Variants in CLSTN3 observed in about 807,000 individuals in gnomAD.
CLSTN3 encodes calsyntenin 3.
Under a neutral mutation model 95.9 loss-of-function variants are expected in CLSTN3, and 36 were observed. The ratio of observed to expected loss-of-function variants is 0.38; its 90% CI spans 0.29 to 0.50. The LOEUF (loss-of-function observed/expected upper bound fraction) is 0.50, where lower values mean the gene tolerates loss of function less well. Ranked by LOEUF, CLSTN3 falls within the 20% of genes least tolerant of loss-of-function variation. CLSTN3 has a pLI of 0.95. For synonymous variants in CLSTN3, 481 were observed against 504.0 expected (o/e 0.95, Z 0.61); for missense variants, 1,084 against 1,268.8 (o/e 0.85, Z 2.21).
At position 7,151,051 on chromosome 12, in the gene CLSTN3, C is replaced by T; in HGVS notation, c.2515C>T (p.His839Tyr). The T allele has an allele frequency of 6.2e-7, 1 of 1,601,394 alleles. No individual in the cohort carries two copies. The highest frequency in any genetic ancestry group is 1.3e-5 in the African/African-American group (1 of 74,608). ...GGCTGGACACAGCCTAGCCAGCTCCCACAGAAACTCCAGTACGTAAGCCTG... is the reference window on the plus strand; with the variant it reads ...GGCTGGACACAGCCTAGCCAGCTCCTACAGAAACTCCAGTACGTAAGCCTG... ...EMAGHSLASS[H>Y]RNSMIPSAAT... is the part of the protein sequence containing the mutation. The change falls in exon 16 of 18, where the codon CAC (histidine) becomes TAC (tyrosine). Residue 839 changes from histidine (H) to tyrosine (Y), a missense_variant. Physicochemically the swap from His to Tyr is moderately conservative, Grantham distance 83. Transcript: ENST00000266546.
Position 7,133,249 on chromosome 12 carries a change from G to T in CLSTN3, c.187+103G>T. 6.8e-7 allele frequency: 1 copy of T among 1,463,716 alleles called. No individual in the cohort carries two copies. Among genetic ancestry groups the T allele is most frequent in the South Asian group, 1.3e-5 (1 of 78,528 alleles). The allele number at this position is 1,463,716 out of a possible 1,614,324, so 90.7% of individuals were successfully genotyped here. ...GGAAGGTCCTGGGAGTGATGAGAAA[G>T]TAAGGGAAGATAAAAGTGGGCTCAA... On this transcript the variant is annotated intron_variant, in intron 2 of 17. Transcript: ENST00000266546. This position sits in a 1 kb window ranked among gnomAD's most constrained non-coding sequence, Gnocchi z 4.7.
rs115534516 is a variant in CLSTN3 at position 7,157,373 on chromosome 12, T to C, written c.2528-116T>C. On this transcript the variant is annotated intron_variant, in intron 16 of 17. Coordinates refer to ENST00000266546, the MANE Select transcript of CLSTN3 (RefSeq NM_014718.4). This position sits in a 1 kb window ranked among gnomAD's most constrained non-coding sequence, Gnocchi z 5.9. ...TGTTCCTCTCTTCTCGGCCACCGTG[T>C]GTTCTGCCCTGGGAGTCCTTCAGCC... 3,655 of 833,332 alleles carry C rather than the reference T, an allele frequency of 4.4e-3. 69 individuals are homozygous for C. The African/African-American group carries it at 0.049, about 11-fold the overall frequency. The allele number at this position is 833,332 out of a possible 1,614,324, so 51.6% of individuals were successfully genotyped here.
Position 7,150,595 on chromosome 12 carries a change from G to T in CLSTN3, c.2297G>T (p.Arg766Leu). Residue 766 changes from arginine (R) to leucine (L), a missense_variant, in exon 15 of 18, where the codon CGG (arginine) becomes CTG (leucine). Coordinates refer to ENST00000266546, the MANE Select transcript of CLSTN3 (RefSeq NM_014718.4). The surrounding 1 kb of genome is among the most constrained non-coding windows in gnomAD (Gnocchi z 4.0). ...YEEILRQARYRLRHGAALYTR... is the reference protein window; with the variant it reads ...YEEILRQARYLLRHGAALYTR... ...GAGATCCTGAGGCAGGCTCGTTATC[G>T]GCTGCGACACGGAGCTGCCCTCTAC... 6.2e-7 allele frequency: 1 copy of T among 1,614,002 alleles called. No individual in the cohort carries two copies. Among genetic ancestry groups the T allele is most frequent in the Admixed American group, 1.7e-5 (1 of 60,026 alleles).
At chr12:7,151,379 A>G (rs1939721479) in intron 16 of CLSTN3, among the ~76,000 whole-genome samples, 1 of 152,150 alleles carries the variant, frequency 6.6e-6, no homozygotes, top group African/African-American at 2.4e-5. Flanking sequence ...AGCAATATCA[A>G]ATTAGCCCTG....
Position 7,138,016 on chromosome 12 carries a change from G to A in CLSTN3, c.1272G>A (p.Trp424Ter). ...GCTGTAGGATTGCCTTCCTCTACTG[G>A]CCCCTGCTTGAGAGTGCCCGCCCAG... ...VHGCRIAFLY[W>*]PLLESARPVK... Residue 424 changes from tryptophan (W) to a stop codon, truncating the protein, a stop_gained, in exon 8 of 18, where the codon TGG becomes TGA. Transcript: ENST00000266546. LOFTEE classifies it high-confidence loss of function. 1.9e-6 allele frequency: 3 copies of A among 1,613,702 alleles called. No homozygotes were observed. The highest frequency in any genetic ancestry group is 2.5e-6 in the Non-Finnish European group (3 of 1,179,920).
In CLSTN3 at chr12:7,137,625, G is replaced by T. The variant is rs143161087; in HGVS notation, c.1211-330G>T. Among the ~76,000 whole-genome samples the T allele has an allele frequency of 5.7e-3, 875 of 152,176 alleles. 7 individuals are homozygous for T. Among genetic ancestry groups the T allele is most frequent in the African/African-American group, 0.019 (809 of 41,492 alleles). The stretch of plus-strand genomic sequence containing the variant: ...GACCTTGACAACTCTTTTGAAAAGG[G>T]TTGTCACCCATGATGTATGTATTAA... On this transcript the variant is annotated intron_variant, in intron 7 of 17. Coordinates refer to ENST00000266546, the MANE Select transcript of CLSTN3 (RefSeq NM_014718.4). This position sits in a 1 kb window ranked among gnomAD's most constrained non-coding sequence, Gnocchi z 4.4.
intron 12 of CLSTN3, among the ~76,000 whole-genome samples, chr12:7,146,088 T>G (rs1038569777): frequency 4.6e-5 from 7 of 152,178 alleles, no homozygotes; most frequent in African/African-American, 1.7e-4. Flanking sequence ...TAAGTTGAGT[T>G]TTCATCATCA....
intron 12 of CLSTN3, among the ~76,000 whole-genome samples, chr12:7,147,780 G>T (rs1434338699): frequency 6.6e-6 from 1 of 152,060 alleles, no homozygotes; most frequent in African/African-American, 2.4e-5. Context: ...CTCCCAAAGT[G>T]CCAGGATTTA....
chr12:7,137,755 AAT>A lies in CLSTN3; in HGVS notation c.1211-199_1211-198del, dbSNP rs1939453250. Among the ~76,000 whole-genome samples, 1 of 51,118 alleles carries A rather than the reference AAT, an allele frequency of 2.0e-5. No individual in the cohort carries two copies. Among genetic ancestry groups the A allele is most frequent in the Non-Finnish European group, 3.7e-5 (1 of 27,166 alleles). 33.5% of individuals were successfully genotyped at this position (51,118 alleles called of 152,430 possible). A position where few individuals can be genotyped will look rare whatever the true frequency, so the allele number is the denominator to read the frequency against. On this transcript the variant is annotated intron_variant, in intron 7 of 17. Transcript: ENST00000266546. This position sits in a 1 kb window ranked among gnomAD's most constrained non-coding sequence, Gnocchi z 4.4. ...AAGCCCAAGTTATCACTTGGACTGG[AAT>A]GTGTGTGTGTGTGTGTGTGTGTGTG...
At chr12:7,130,211 C>G (rs1939255459), upstream of CLSTN3, 1 of 258,916 alleles carries the variant, frequency 3.9e-6, no homozygotes, top group South Asian at 5.5e-5. Context: ...TTCCTCGGCT[C>G]CCCCAAAATT....
chr12:7,136,615 T>C (rs927205791), intron 6 of CLSTN3, among the ~76,000 whole-genome samples: 1 of 152,158 alleles, frequency 6.6e-6, no homozygotes, highest in Non-Finnish European at 1.5e-5. Flanking sequence ...GGTGGAACAA[T>C]GGTAGGGCGA....
In CLSTN3 at chr12:7,149,840, C is replaced by G; in HGVS notation, c.2245+147C>G. On this transcript the variant is annotated intron_variant, in intron 14 of 17. Transcript: ENST00000266546. The surrounding 1 kb of genome is among the most constrained non-coding windows in gnomAD (Gnocchi z 4.5). ...TTTCCTAGCCTGGAAGATCCTCTGG[C>G]TTTGATTGTCCCTAGGGAAGGTGTG... 1 of 725,146 alleles carries G rather than the reference C, an allele frequency of 1.4e-6. No individual in the cohort carries two copies. The allele number at this position is 725,146 out of a possible 1,614,324, so 44.9% of individuals were successfully genotyped here. A position where few individuals can be genotyped will look rare whatever the true frequency, so the allele number is the denominator to read the frequency against.
rs749848331 is a variant in CLSTN3, at chr12:7,135,911, G to A, written c.700G>A (p.Val234Met). 1.1e-5 allele frequency: 17 copies of A among 1,613,800 alleles called. No homozygotes were observed. Among genetic ancestry groups the A allele is most frequent in the African/African-American group, 1.3e-5 (1 of 74,928 alleles). ...GAAGCGGGCAGCAGATGATGCTGAGGTGGAGATTCAGGTGAAGCCCACCTG... is the reference window on the plus strand; with the variant it reads ...GAAGCGGGCAGCAGATGATGCTGAGATGGAGATTCAGGTGAAGCCCACCTG... ...GKKRAADDAE[V>M]EIQVKPTCKP... The change falls in exon 5 of 18, where the codon GTG becomes ATG. Residue 234 changes from valine (V) to methionine (M), a missense_variant. Transcript: ENST00000266546.
At chr12:7,131,515 A>C (rs1267513284) in intron 1 of CLSTN3, among the ~76,000 whole-genome samples, 1 of 152,000 alleles carries the variant, frequency 6.6e-6, no homozygotes, top group Non-Finnish European at 1.5e-5. Flanking sequence ...GAGGCAGAAA[A>C]AAGAGGGAGG....
Position 7,157,088 on chromosome 12 carries a change from C to A in CLSTN3, c.2528-401C>A, listed in dbSNP as rs759532215. 6.6e-6 allele frequency among the ~76,000 whole-genome samples: 1 copy of A among 152,338 alleles called. No homozygotes were observed. The highest frequency in any genetic ancestry group is 1.9e-4 in the East Asian group (1 of 5,180). On this transcript the variant is annotated intron_variant, in intron 16 of 17. Transcript: ENST00000266546. The surrounding 1 kb of genome is among the most constrained non-coding windows in gnomAD (Gnocchi z 5.9). The stretch of plus-strand genomic sequence containing the variant: ...CCTCCTCTCCCTCACTGGGCACTGG[C>A]ACCTCTTTCCTAGGCTGAGTGGTCT...
At chr12:7,134,257 T>C (rs1484186353) in intron 3 of CLSTN3, among the ~76,000 whole-genome samples, 1 of 152,124 alleles carries the variant, frequency 6.6e-6, no homozygotes, top group Non-Finnish European at 1.5e-5. Flanking sequence ...CTATTTGCAG[T>C]GTATACCACA....
In CLSTN3 at chr12:7,158,204, C is replaced by T. The variant is rs1019971720; in HGVS notation, c.*123C>T. On this transcript the variant is annotated 3_prime_UTR_variant, in exon 18 of 18. Coordinates refer to ENST00000266546, the MANE Select transcript of CLSTN3 (RefSeq NM_014718.4). ...AGGGAGAGAGGCTTCAGAACCAGTC[C>T]TCCTTTCATTTCAAAACCCCAGCGG... 2 of 1,250,388 alleles carry T rather than the reference C, an allele frequency of 1.6e-6. No homozygotes were observed. The highest frequency in any genetic ancestry group is 3.0e-5 in the African/African-American group (2 of 65,620). 77.5% of individuals were successfully genotyped at this position (1,250,388 alleles called of 1,614,324 possible).
Position 7,149,316 on chromosome 12 carries a change from C to A in CLSTN3, c.2074+118C>A. The A allele has an allele frequency of 1.0e-6, 1 of 1,002,864 alleles. No individual in the cohort carries two copies. The highest frequency in any genetic ancestry group is 1.5e-6 in the Non-Finnish European group (1 of 668,990). The allele number at this position is 1,002,864 out of a possible 1,614,324, so 62.1% of individuals were successfully genotyped here. On this transcript the variant is annotated intron_variant, in intron 13 of 17. Transcript: ENST00000266546. This position sits in a 1 kb window ranked among gnomAD's most constrained non-coding sequence, Gnocchi z 4.5. ...GCGACTCCATCCTGTGTTTGTTTGA[C>A]TGAACAACTTACCTTTAAGAAGGAG... is the stretch of plus-strand genomic sequence containing the variant.
chr12:7,135,264 T>A, intron 3 of CLSTN3, 63 bp from the exon 4 acceptor site: 1 of 1,502,550 alleles, frequency 6.7e-7, no homozygotes, highest in Non-Finnish European at 9.2e-7. Flanking sequence ...AGGCTGTATC[T>A]CAATGTATAA....
Sources: gnomAD v4.1 joint callset for allele counts (sites outside exome capture counted in the v4.1 genomes callset) on GRCh38, gnomAD v4.1.1 for gene constraint, Gnocchi (gnomAD v3.1) non-coding constraint, MANE v1.5 for transcripts, NCBI Gene and HGNC (gene_info 2026-07-23, HGNC 2026-07-21) for gene names.